SLIT3: variants seen among roughly 807,000 people sequenced by gnomAD.
SLIT3 encodes the protein slit homolog 3 protein.
Under a neutral mutation model 184.0 loss-of-function variants are expected in SLIT3, and 68 were observed. The observed-to-expected ratio is 0.37, with a 90% CI of 0.30 to 0.45. The LOEUF is 0.45. Ranked by LOEUF, SLIT3 falls within the 20% of genes least tolerant of loss-of-function variation. The pLI is 1.00. For missense variants in SLIT3, 1,707 were observed against 2,026.0 expected (o/e 0.84, Z 3.02); for synonymous variants, 831 against 828.6 (o/e 1.00, Z -0.05).
chr5:168,856,168 G>A (rs1424667611), intron 5 of SLIT3, among the ~76,000 whole-genome samples: 1 of 152,202 alleles, frequency 6.6e-6, no homozygotes. Flanking sequence ...CATTGCGAGT[G>A]TACTAAATGC....
At chr5:168,724,380 A>C in intron 21 of SLIT3, 36 bp downstream of exon 21, 1 of 1,578,264 alleles carries the variant, frequency 6.3e-7, no homozygotes, top group Non-Finnish European at 8.7e-7. Flanking sequence ...CCCAGCAGGG[A>C]AAAATAAACA....
chr5:168,720,434 G>T (rs1762906088), intron 23 of SLIT3: 1 of 152,176 alleles, frequency 6.6e-6, no homozygotes, highest in Non-Finnish European at 1.5e-5. Context: ...CTTACATATT[G>T]AGTTGCCCCA....
At chr5:169,247,901 G>A (rs898279447) in intron 2 of SLIT3, among the ~76,000 whole-genome samples, 5 of 152,176 alleles carry the variant, frequency 3.3e-5, no homozygotes, top group Non-Finnish European at 5.9e-5. Flanking sequence ...TGGGATTACA[G>A]GCGTGAGCCA....
chr5:168,806,150 C>T (rs1007670759), intron 9 of SLIT3, among the ~76,000 whole-genome samples: 1 of 152,158 alleles, frequency 6.6e-6, no homozygotes, highest in Admixed American at 6.5e-5. Flanking sequence ...TGAGACCAGC[C>T]ACAGGCAGGA....
intron 3 of SLIT3, among the ~76,000 whole-genome samples, chr5:169,201,975 C>T (rs1763915534): frequency 9.7e-6 from 1 of 103,552 alleles, no homozygotes; most frequent in African/African-American, 3.4e-5. Context: ...CTCATGCCTA[C>T]AGTCCTGGCA....
chr5:168,931,025 C>A (rs1027597472), intron 4 of SLIT3, among the ~76,000 whole-genome samples: 2 of 152,200 alleles, frequency 1.3e-5, no homozygotes, highest in East Asian at 1.9e-4. Flanking sequence ...TCGTCTCCCC[C>A]TCTCCTGATA....
chr5:168,982,897 C>T (rs1346954829), intron 4 of SLIT3, among the ~76,000 whole-genome samples: 1 of 152,118 alleles, frequency 6.6e-6, no homozygotes, highest in Non-Finnish European at 1.5e-5. Flanking sequence ...TTATTTTATG[C>T]CGAGGGACTC....
At chr5:168,922,977 A>C (rs957142405) in intron 4 of SLIT3, among the ~76,000 whole-genome samples, 3 of 152,178 alleles carry the variant, frequency 2.0e-5, no homozygotes, top group African/African-American at 7.2e-5. Context: ...TGAACTTAGA[A>C]CTGAGTAGAT....
intron 1 of SLIT3, among the ~76,000 whole-genome samples, chr5:169,255,610 G>A (rs1350774194): frequency 1.2e-4 from 18 of 152,178 alleles, no homozygotes; most frequent in African/African-American, 3.4e-4. Flanking sequence ...TTGGCAGGGC[G>A]CAGTGGCTCA....
At chr5:168,874,778 C>T (rs1216232645) in intron 5 of SLIT3, among the ~76,000 whole-genome samples, 1 of 152,306 alleles carries the variant, frequency 6.6e-6, no homozygotes, top group South Asian at 2.1e-4. Flanking sequence ...CTACCTGTTT[C>T]TTCTACTATT....
At chr5:169,000,389 T>A (rs1406661727) in intron 4 of SLIT3, among the ~76,000 whole-genome samples, 1 of 37,798 alleles carries the variant, frequency 2.6e-5, no homozygotes, top group Admixed American at 3.4e-4. Flanking sequence ...CAAAACTCCA[T>A]CTCAAAAAAA....
intron 1 of SLIT3, among the ~76,000 whole-genome samples, chr5:169,262,861 C>T (rs1304561769): frequency 3.3e-5 from 5 of 152,310 alleles, no homozygotes; most frequent in South Asian, 4.1e-4. Flanking sequence ...CAAAGTCCTG[C>T]GTCCATTTAA....
chr5:169,097,762 C>T (rs1011935567), intron 4 of SLIT3, among the ~76,000 whole-genome samples: 1 of 152,132 alleles, frequency 6.6e-6, no homozygotes, highest in African/African-American at 2.4e-5. Context: ...TGCTCTGTAG[C>T]CCCCCACCAC....
chr5:168,712,156 GT>G (rs1762579264), intron 24 of SLIT3, 126 bp downstream of exon 24: 2 of 787,026 alleles, frequency 2.5e-6, no homozygotes, highest in Non-Finnish European at 4.4e-6. Flanking sequence ...TGGATACATA[GT>G]TGTATAATAT....
intron 2 of SLIT3, among the ~76,000 whole-genome samples, chr5:169,249,698 C>T (rs969176228): frequency 2.0e-5 from 3 of 152,218 alleles, no homozygotes; most frequent in East Asian, 3.9e-4. Context: ...CAATAACAAT[C>T]GCCCTAAAAC....
At chr5:169,041,875 T>C (rs753801519) in intron 4 of SLIT3, among the ~76,000 whole-genome samples, 1 of 152,216 alleles carries the variant, frequency 6.6e-6, no homozygotes, top group Non-Finnish European at 1.5e-5. Flanking sequence ...GCATGAAAGA[T>C]AGTTCCTCTT....
intron 4 of SLIT3, among the ~76,000 whole-genome samples, chr5:168,906,849 T>G (rs1221465168): frequency 6.6e-6 from 1 of 151,820 alleles, no homozygotes; most frequent in African/African-American, 2.4e-5. Context: ...ATTTTTTGTT[T>G]ATTTATTTAT....
chr5:168,749,903 C>T (rs1274783162), intron 18 of SLIT3, among the ~76,000 whole-genome samples: 4 of 152,152 alleles, frequency 2.6e-5, no homozygotes, highest in South Asian at 2.1e-4. Flanking sequence ...AGATTCACCC[C>T]GAGAGCCTTC....
chr5:169,057,205 G>A (rs1291085309), intron 4 of SLIT3, among the ~76,000 whole-genome samples: 1 of 151,622 alleles, frequency 6.6e-6, no homozygotes, highest in East Asian at 1.9e-4. Flanking sequence ...ATAGTGATAA[G>A]TTATCTTAAA....
Sources: allele counts gnomAD v4.1 joint callset (sites outside exome capture counted in the v4.1 genomes callset), GRCh38; gene constraint gnomAD v4.1.1; transcripts MANE v1.5; gene names NCBI Gene and HGNC (gene_info 2026-07-23, HGNC 2026-07-21).